Variants in C1orf21 observed in about 807,000 individuals in gnomAD.
The protein encoded by C1orf21 is chromosome 1 open reading frame 21.
In C1orf21, 3 loss-of-function variants were observed where a neutral mutation model predicts 18.7. That is an observed-to-expected ratio of 0.16 (90% CI 0.07 to 0.42). The LOEUF is 0.42. Among genes scored for constraint, C1orf21 ranks in the 10% least tolerant of loss-of-function variants. The pLI, the probability that C1orf21 is intolerant of heterozygous loss-of-function variation, is 0.99. For missense variants in C1orf21, 104 were observed against 143.6 expected, an observed-to-expected ratio of 0.72 and a Z score of 1.41; for synonymous variants, 41 against 46.4, an observed-to-expected ratio of 0.88 and a Z score of 0.47.
intron 5 of C1orf21, among the ~76,000 whole-genome samples, chr1:184,615,224 T>G (rs1659802811): frequency 6.6e-6 from 1 of 152,150 alleles, no homozygotes; most frequent in South Asian, 2.1e-4. Context: ...AGGATAATAA[T>G]ACAGATAACT....
At chr1:184,453,211 G>A (rs1350534516) in intron 1 of C1orf21, among the ~76,000 whole-genome samples, 1 of 152,148 alleles carries the variant, frequency 6.6e-6, no homozygotes, top group East Asian at 1.9e-4. Context: ...ATTTCCTTCT[G>A]CAGAGATTCT....
intron 5 of C1orf21, among the ~76,000 whole-genome samples, chr1:184,615,582 C>T (rs1016472935): frequency 2.6e-5 from 4 of 152,152 alleles, no homozygotes; most frequent in African/African-American, 7.2e-5. Context: ...CTCCCAAACC[C>T]GGCTCCCACT....
intron 1 of C1orf21, among the ~76,000 whole-genome samples, chr1:184,451,617 C>G (rs1482774450): frequency 6.6e-6 from 1 of 151,978 alleles, no homozygotes; most frequent in Non-Finnish European, 1.5e-5. Flanking sequence ...GAACATTTTT[C>G]TAATCTCAGT....
chr1:184,396,383 G>A (rs77338100), intron 1 of C1orf21, among the ~76,000 whole-genome samples: 2,087 of 152,244 alleles, frequency 0.014, 19 homozygotes, highest in Non-Finnish European at 0.02. Flanking sequence ...ACAGAAGAAG[G>A]ATTTAGGAAG....
intron 1 of C1orf21, among the ~76,000 whole-genome samples, chr1:184,442,156 G>A (rs1347316727): frequency 1.3e-5 from 2 of 152,188 alleles, no homozygotes; most frequent in African/African-American, 4.8e-5. Flanking sequence ...ATATGGTAAT[G>A]GTTAAATTAA....
chr1:184,399,912 A>G (rs965696567), intron 1 of C1orf21, among the ~76,000 whole-genome samples: 9 of 152,210 alleles, frequency 5.9e-5, no homozygotes, highest in South Asian at 2.1e-4. Context: ...ACCCTGAGAT[A>G]TAGTTTATGT....
rs530411551 is a variant in C1orf21, at chr1:184,620,679, T to C, written c.*1123T>C. On this transcript the variant is annotated 3_prime_UTR_variant, in exon 6 of 6. Transcript: ENST00000235307. The stretch of plus-strand genomic sequence containing the variant: ...AGTGTTTGCCTACTCAAAAACATAA[T>C]ACTTTTATGCTGATGATGGTATTTG... The C allele has an allele frequency of 4.6e-5, 7 of 152,642 alleles. No homozygotes were observed. Among genetic ancestry groups the C allele is most frequent in the Non-Finnish European group, 8.8e-5 (6 of 68,032 alleles). 9.5% of individuals were successfully genotyped at this position (152,642 alleles called of 1,614,324 possible).
chr1:184,430,408 T>G (rs1656722234), intron 1 of C1orf21, among the ~76,000 whole-genome samples: 2 of 152,208 alleles, frequency 1.3e-5, no homozygotes, highest in Non-Finnish European at 2.9e-5. Flanking sequence ...AAGGCTTTGA[T>G]TAATGTTTCT....
chr1:184,426,652 G>A (rs1046676368), intron 1 of C1orf21, among the ~76,000 whole-genome samples: 1 of 152,106 alleles, frequency 6.6e-6, no homozygotes, highest in South Asian at 2.1e-4. Flanking sequence ...TTTCCTCAGA[G>A]AAATCTTCCC....
At chr1:184,406,712 T>C (rs1395468062) in intron 1 of C1orf21, among the ~76,000 whole-genome samples, 1 of 152,216 alleles carries the variant, frequency 6.6e-6, no homozygotes, top group East Asian at 1.9e-4. Flanking sequence ...AAGGGAAATT[T>C]ATGGAGGCCA....
chr1:184,619,656 T>C lies in C1orf21; in HGVS notation c.*100T>C. On this transcript the variant is annotated 3_prime_UTR_variant, in exon 6 of 6. Coordinates refer to ENST00000235307, the MANE Select transcript of C1orf21 (RefSeq NM_030806.4). ...GTCGGTTCTATTCAGCGAACAGCAC[T>C]ATAGCAAAAGAAGATCGTTCCATAT... 1.9e-6 allele frequency: 2 copies of C among 1,063,768 alleles called. No individual in the cohort carries two copies. Among genetic ancestry groups the C allele is most frequent in the South Asian group, 3.0e-5 (2 of 65,932 alleles). 65.9% of individuals were successfully genotyped at this position (1,063,768 alleles called of 1,614,324 possible).
intron 1 of C1orf21, among the ~76,000 whole-genome samples, chr1:184,442,913 A>G (rs73063529): frequency 0.034 from 5,142 of 152,300 alleles, 288 homozygotes; most frequent in African/African-American, 0.12. Context: ...AGAATTTAAT[A>G]CTGAGATCAT....
chr1:184,560,932 A>G (rs1425966905), intron 3 of C1orf21, among the ~76,000 whole-genome samples: 2 of 152,204 alleles, frequency 1.3e-5, no homozygotes, highest in East Asian at 1.9e-4. Context: ...TACGCCAGTT[A>G]TCTGTATGTA....
At chr1:184,410,655 A>G (rs545912723) in intron 1 of C1orf21, among the ~76,000 whole-genome samples, 1 of 5,854 alleles carries the variant, frequency 1.7e-4, no homozygotes, top group Non-Finnish European at 2.5e-4. Flanking sequence ...ATATATATAT[A>G]TATATATATT....
At chr1:184,433,374 A>G (rs16823149) in intron 1 of C1orf21, among the ~76,000 whole-genome samples, 23,240 of 152,200 alleles carry the variant, frequency 0.15, 1,845 homozygotes, top group African/African-American at 0.17. Flanking sequence ...AAAACATGTC[A>G]TGCATTCATA....
At chr1:184,551,319 A>G (rs1168704680) in intron 3 of C1orf21, among the ~76,000 whole-genome samples, 1 of 152,254 alleles carries the variant, frequency 6.6e-6, no homozygotes, top group Non-Finnish European at 1.5e-5. Context: ...TTTTAAATAT[A>G]AAAGCAGTGG....
intron 3 of C1orf21, among the ~76,000 whole-genome samples, chr1:184,572,105 G>C (rs1659121069): frequency 6.6e-6 from 1 of 152,178 alleles, no homozygotes; most frequent in Admixed American, 6.5e-5. Flanking sequence ...TCTGGCTCTT[G>C]GGAGGGGTGC....
chr1:184,611,415 G>A (rs1405907699), intron 5 of C1orf21, among the ~76,000 whole-genome samples: 1 of 152,198 alleles, frequency 6.6e-6, no homozygotes, highest in East Asian at 1.9e-4. Context: ...CCTGCAGGCG[G>A]TGGTTTAAGC....
At chr1:184,593,344 C>T (rs570711064) in intron 4 of C1orf21, among the ~76,000 whole-genome samples, 8 of 152,026 alleles carry the variant, frequency 5.3e-5, no homozygotes, top group African/African-American at 1.9e-4. Context: ...ACATTGGATT[C>T]CTGGAATTCA....
Sources: gnomAD v4.1 joint callset for allele counts (sites outside exome capture counted in the v4.1 genomes callset) on GRCh38, gnomAD v4.1.1 for gene constraint, MANE v1.5 for transcripts, NCBI Gene and HGNC (gene_info 2026-07-23, HGNC 2026-07-21) for gene names.